DLGAP3: variants seen among roughly 807,000 people sequenced by gnomAD.
DLGAP3 encodes disks large-associated protein 3.
A neutral mutation model predicts 81.2 loss-of-function variants in DLGAP3; 17 were observed. That is an observed-to-expected ratio of 0.21 (90% confidence interval 0.14 to 0.31). The LOEUF (loss-of-function observed/expected upper bound fraction) is 0.31. DLGAP3 is among the 10% of genes least tolerant of loss of function. DLGAP3 has a pLI of 1.00. For synonymous variants in DLGAP3, 577 were observed against 587.4 expected (o/e 0.98, Z 0.26); for missense variants, 1,124 against 1,388.0 (o/e 0.81, Z 3.02).
Position 34,929,557 on chromosome 1 carries a change from C to T in DLGAP3, c.-241G>A, listed in dbSNP as rs1639925110. On this transcript the variant is annotated 5_prime_UTR_variant, in exon 1 of 12. Coordinates refer to ENST00000373347, the MANE Select transcript of DLGAP3 (RefSeq NM_001080418.3). This position sits in a 1 kb window ranked among gnomAD's most constrained non-coding sequence, Gnocchi z 6.5. ...GGGACCGGGGCCCGGCACTGCGGAGCCCCCAGCTGAGGGGCCGCGCCGGCT... is the reference window on the plus strand; with the variant it reads ...GGGACCGGGGCCCGGCACTGCGGAGTCCCCAGCTGAGGGGCCGCGCCGGCT... 6.7e-6 allele frequency: 1 copy of T among 149,908 alleles called. No individual in the cohort carries two copies. The highest frequency in any genetic ancestry group is 1.5e-5 in the Non-Finnish European group (1 of 67,230). 9.3% of individuals were successfully genotyped at this position (149,908 alleles called of 1,614,324 possible).
intron 5 of DLGAP3, among the ~76,000 whole-genome samples, chr1:34,888,413 G>A (rs1358012791): frequency 6.6e-6 from 1 of 152,180 alleles, no homozygotes; most frequent in Non-Finnish European, 1.5e-5. Context: ...AAGGCTGACT[G>A]AGCAACAGAT....
In DLGAP3 at chr1:34,873,681, G is replaced by C. The variant is rs1639010932; in HGVS notation, c.2001-4592C>G. ...GGGCATTGTAGTTATTAATTATTAT[G>C]ATTGCTGTTGATCATTTCCATCTGT... On this transcript the variant is annotated intron_variant, in intron 8 of 11. Coordinates refer to ENST00000373347, the MANE Select transcript of DLGAP3 (RefSeq NM_001080418.3). This position sits in a 1 kb window ranked among gnomAD's most constrained non-coding sequence, Gnocchi z 4.2. Among the ~76,000 whole-genome samples, 1 of 152,152 alleles carries C rather than the reference G, an allele frequency of 6.6e-6. No homozygotes were observed. The highest frequency in any genetic ancestry group is 6.5e-5 in the Admixed American group (1 of 15,278).
intron 1 of DLGAP3, among the ~76,000 whole-genome samples, chr1:34,924,376 T>C (rs879934533): frequency 2.0e-5 from 3 of 152,074 alleles, no homozygotes; most frequent in Non-Finnish European, 4.4e-5. Context: ...TTAAAAATCT[T>C]CCTCCCCAAC....
Position 34,884,968 on chromosome 1 carries a change from G to C in DLGAP3, c.2000+10C>G. On this transcript the variant is annotated intron_variant, in intron 8 of 11. Transcript: ENST00000373347. ...CCAGCGAAGCCTGGGCACTCCCACC[G>C]TGACTTTACCTCTTGTCCTCTTCCA... The C allele has an allele frequency of 6.2e-7, 1 of 1,608,118 alleles. No individual in the cohort carries two copies.
In DLGAP3 at chr1:34,900,142, G is replaced by A. The variant is rs985079619; in HGVS notation, c.1239C>T (p.Pro413=). 5.0e-6 allele frequency: 8 copies of A among 1,614,060 alleles called. No homozygotes were observed. Among genetic ancestry groups the A allele is most frequent in the Non-Finnish European group, 6.8e-6 (8 of 1,180,038 alleles). Residue 413 remains proline, a synonymous_variant, in exon 4 of 12, where the codon CCC becomes CCT. Transcript: ENST00000373347. This position sits in a 1 kb window ranked among gnomAD's most constrained non-coding sequence, Gnocchi z 5.6. ...GGGCGACTGCTTTGGGAGATGTCTTGGGGCTGCCGTCTGAGTCTCCGCTCT... is the reference window on the plus strand; with the variant it reads ...GGGCGACTGCTTTGGGAGATGTCTTAGGGCTGCCGTCTGAGTCTCCGCTCT... The part of the protein sequence containing the change: ...DEESGDSDGS[P]KTSPKAVARR...
rs1324528746 is a variant in DLGAP3, at chr1:34,865,462, G to A, written c.*621C>T. 6.4e-6 allele frequency: 1 copy of A among 156,482 alleles called. No individual in the cohort carries two copies. Among genetic ancestry groups the A allele is most frequent in the Non-Finnish European group, 1.4e-5 (1 of 70,426 alleles). The allele number at this position is 156,482 out of a possible 1,614,324, so 9.7% of individuals were successfully genotyped here. A position where few individuals can be genotyped will look rare whatever the true frequency, so the allele number is the denominator to read the frequency against. On this transcript the variant is annotated 3_prime_UTR_variant, in exon 12 of 12. Coordinates refer to ENST00000373347, the MANE Select transcript of DLGAP3 (RefSeq NM_001080418.3). ...GCAGTTCTGCCGTTTTATTTTTCCT[G>A]GGATATTCAAGGGGATGTGGGAACA...
chr1:34,874,074 A>AG (rs1639016054), intron 8 of DLGAP3, among the ~76,000 whole-genome samples: 1 of 152,174 alleles, frequency 6.6e-6, no homozygotes, highest in South Asian at 2.1e-4. Context: ...CCTTAAAAGG[A>AG]GGGGGTATGC....
intron 5 of DLGAP3, among the ~76,000 whole-genome samples, chr1:34,898,018 G>T (rs892739640): frequency 1.3e-5 from 2 of 152,300 alleles, no homozygotes; most frequent in Admixed American, 1.3e-4. Flanking sequence ...ATTGTGGAGG[G>T]TGTGTGTATC....
intron 2 of DLGAP3, among the ~76,000 whole-genome samples, chr1:34,907,062 C>T (rs561570142): frequency 6.6e-6 from 1 of 152,286 alleles, no homozygotes; most frequent in South Asian, 2.1e-4. Flanking sequence ...TTTCTCCCTA[C>T]CACCACCTCC....
At chr1:34,925,424 G>A (rs1639858478) in intron 1 of DLGAP3, 1 of 152,644 alleles carries the variant, frequency 6.6e-6, no homozygotes, top group Non-Finnish European at 1.5e-5. Flanking sequence ...GGCAGAGAGA[G>A]GTAGCTCCCC....
Position 34,905,292 on chromosome 1 carries a change from G to A in DLGAP3, c.92C>T (p.Ala31Val). ...QHMDVGPAAR[A>V]PYLLGSREAF... ...CTCCCTGGAGCCCAGCAGGTATGGG[G>A]CCCTGGCAGCAGGGCCCACGTCCAT... Residue 31 changes from alanine to valine, a missense_variant, in exon 3 of 12, where the codon GCC becomes GTC. Physicochemically the swap from Ala to Val is moderately conservative, Grantham distance 64. This residue lies in a region of DLGAP3 where 167 missense variants were observed against 172.1 expected (regional missense o/e 0.97). Coordinates refer to ENST00000373347, the MANE Select transcript of DLGAP3 (RefSeq NM_001080418.3). The A allele has an allele frequency of 6.5e-7, 1 of 1,527,052 alleles. No individual in the cohort carries two copies. Among genetic ancestry groups the A allele is most frequent in the Non-Finnish European group, 8.8e-7 (1 of 1,130,436 alleles). 94.6% of individuals were successfully genotyped at this position (1,527,052 alleles called of 1,614,324 possible).
Position 34,885,018 on chromosome 1 carries a change from C to T in DLGAP3, c.1960G>A (p.Glu654Lys). The T allele has an allele frequency of 6.2e-7, 1 of 1,613,572 alleles. No individual in the cohort carries two copies. The highest frequency in any genetic ancestry group is 2.2e-5 in the East Asian group (1 of 44,870). The change falls in exon 8 of 12, where the codon GAG (glutamate) becomes AAG (lysine). Residue 654 changes from glutamate (E) to lysine (K), a missense_variant. Glu to Lys is a moderately conservative substitution (Grantham distance 56). Around this residue, in one of 9 missense-constraint regions of DLGAP3, gnomAD observed 379 missense variants for 455.7 expected, o/e 0.83. Coordinates refer to ENST00000373347, the MANE Select transcript of DLGAP3 (RefSeq NM_001080418.3). ...ACCTGCACGCCAATAGAGTGGAACTCCCTCCGGCTCCTGTTCTCGGTGTCC... is the reference window on the plus strand; with the variant it reads ...ACCTGCACGCCAATAGAGTGGAACTTCCTCCGGCTCCTGTTCTCGGTGTCC... ...DSDTENRSRR[E>K]FHSIGVQVEE...
In DLGAP3 at chr1:34,868,072, C is replaced by T. The variant is rs1023453033; in HGVS notation, c.2486-445G>A. ...TGTACATAACACATCTTCATAGCCA[C>T]TGTCCCCTCAACTCAGAGATTCTGG... On this transcript the variant is annotated intron_variant, in intron 9 of 11. Transcript: ENST00000373347. This position sits in a 1 kb window ranked among gnomAD's most constrained non-coding sequence, Gnocchi z 7.5. 1.3e-5 allele frequency among the ~76,000 whole-genome samples: 2 copies of T among 152,222 alleles called. No homozygotes were observed. Among genetic ancestry groups the T allele is most frequent in the African/African-American group, 4.8e-5 (2 of 41,448 alleles).
At chr1:34,882,250 G>A (rs527681551) in intron 8 of DLGAP3, among the ~76,000 whole-genome samples, 1 of 152,330 alleles carries the variant, frequency 6.6e-6, no homozygotes, top group East Asian at 1.9e-4. Flanking sequence ...GCCGAGGCGG[G>A]CTGATCACCT....
chr1:34,868,881 A>C lies in DLGAP3; in HGVS notation c.2209T>G (p.Trp737Gly), dbSNP rs747997191. The change falls in exon 9 of 12, where the codon TGG becomes GGG. Residue 737 changes from tryptophan (W) to glycine (G), a missense_variant. Around this residue, in one of 9 missense-constraint regions of DLGAP3, gnomAD observed 379 missense variants for 455.7 expected, o/e 0.83. Coordinates refer to ENST00000373347, the MANE Select transcript of DLGAP3 (RefSeq NM_001080418.3). This position sits in a 1 kb window ranked among gnomAD's most constrained non-coding sequence, Gnocchi z 7.5. ...AGTGGGTAGCCCTCGCGGTAGGCCCACTGGCCCTGCGTGTGGACCGTGCGG... is the reference window on the plus strand; with the variant it reads ...AGTGGGTAGCCCTCGCGGTAGGCCCCCTGGCCCTGCGTGTGGACCGTGCGG... The part of the protein sequence containing the change: ...VFRTVHTQGQ[W>G]AYREGYPLPY... 30 of 1,597,424 alleles carry C rather than the reference A, an allele frequency of 1.9e-5. No homozygotes were observed. The highest frequency in any genetic ancestry group is 2.4e-5 in the Non-Finnish European group (28 of 1,175,160).
At chr1:34,925,390 C>G (rs1297181051) in intron 1 of DLGAP3, 2 of 152,750 alleles carry the variant, frequency 1.3e-5, no homozygotes, top group African/African-American at 4.8e-5. Flanking sequence ...GCTCCCAGCC[C>G]TGCAGACAGA....
intron 1 of DLGAP3, among the ~76,000 whole-genome samples, chr1:34,916,808 G>A (rs957006525): frequency 3.3e-5 from 5 of 152,190 alleles, no homozygotes; most frequent in South Asian, 2.1e-4. Context: ...CAATTCCCCT[G>A]CCTCAGCTTC....
chr1:34,884,340 G>A (rs1639188309), intron 8 of DLGAP3, among the ~76,000 whole-genome samples: 1 of 152,016 alleles, frequency 6.6e-6, no homozygotes, highest in Admixed American at 6.5e-5. Flanking sequence ...CCCAACAACA[G>A]AGAGGCCTCT....
Position 34,921,744 on chromosome 1 carries a change from T to C in DLGAP3, c.-135+7707A>G, listed in dbSNP as rs113791521. ...AACCCAGATGAGTGAGATGCACATA[T>C]ATATGGCCATAGGTTGTAATCAGAC... On this transcript the variant is annotated intron_variant, in intron 1 of 11. Coordinates refer to ENST00000373347, the MANE Select transcript of DLGAP3 (RefSeq NM_001080418.3). 9.8e-3 allele frequency among the ~76,000 whole-genome samples: 1,496 copies of C among 152,308 alleles called. 8 individuals are homozygous for C. The highest frequency in any genetic ancestry group is 0.016 in the Non-Finnish European group (1,101 of 68,026).
Sources: allele counts gnomAD v4.1 joint callset (sites outside exome capture counted in the v4.1 genomes callset), GRCh38; gene constraint gnomAD v4.1.1; regional missense constraint gnomAD v4.1.1; non-coding constraint Gnocchi (gnomAD v3.1); transcripts MANE v1.5; gene names NCBI Gene and HGNC (gene_info 2026-07-23, HGNC 2026-07-21).